The following ANK2 variants were observed in gnomAD, a reference collection of about 807,000 sequenced individuals.
ANK2 encodes ankyrin 2.
A neutral mutation model predicts 360.5 loss-of-function variants in ANK2; 83 were observed. The observed-to-expected ratio is 0.23, with a 90% CI of 0.19 to 0.28. The LOEUF (loss-of-function observed/expected upper bound fraction) is 0.28. Among genes scored for constraint, ANK2 ranks in the 10% least tolerant of loss-of-function variants. ANK2 has a pLI of 1.00. For missense variants in ANK2, 4,201 were observed against 4,795.7 expected (o/e 0.88, Z 3.66); for synonymous variants, 1,740 against 1,759.5 (o/e 0.99, Z 0.28).
At chr4:112,708,117 G>A in the ANK2 span, among the ~76,000 whole-genome samples, 2 of 152,342 alleles carry the variant, frequency 1.3e-5, no homozygotes, top group African/African-American at 4.8e-5. Context: ...TTGCCTGAAA[G>A]TGATTTTGAG....
At chr4:113,275,937 G>GTTTT (rs557950582) in intron 15 of ANK2, among the ~76,000 whole-genome samples, 45 of 118,836 alleles carry the variant, frequency 3.8e-4, no homozygotes, top group African/African-American at 8.8e-4. Flanking sequence ...GTTAAACAGT[G>GTTTT]TTTTTTTTTT....
chr4:113,328,037 C>T (rs1477999262), intron 26 of ANK2, among the ~76,000 whole-genome samples: 1 of 152,166 alleles, frequency 6.6e-6, no homozygotes, highest in Non-Finnish European at 1.5e-5. Flanking sequence ...AGATACTCTA[C>T]ATGTTCTTCC....
intron 14 of ANK2, among the ~76,000 whole-genome samples, chr4:113,265,740 C>T (rs1049345857): frequency 1.3e-5 from 2 of 152,084 alleles, no homozygotes; most frequent in Admixed American, 1.3e-4. Flanking sequence ...CTTCTATTTC[C>T]TTTTCCATGT....
intron 1 of ANK2, among the ~76,000 whole-genome samples, chr4:113,060,305 A>G (rs758522856): frequency 2.0e-5 from 3 of 152,170 alleles, no homozygotes; most frequent in Non-Finnish European, 4.4e-5. Context: ...AATAAATAGT[A>G]GTTAATATTC....
intron 1 of ANK2, among the ~76,000 whole-genome samples, chr4:113,162,554 C>A (rs891018674): frequency 3.3e-5 from 5 of 152,216 alleles, no homozygotes; most frequent in African/African-American, 1.2e-4. Context: ...TTCCACCTGA[C>A]TTATCAGCAG....
intron 2 of ANK2, among the ~76,000 whole-genome samples, chr4:113,002,038 T>A (rs1043829638): frequency 2.0e-5 from 3 of 151,966 alleles, no homozygotes; most frequent in Non-Finnish European, 4.4e-5. Flanking sequence ...ATTATTATTA[T>A]TTTACTTTAA....
rs780724237 is a variant in ANK2, at chr4:113,358,145, A to G, written c.9527A>G (p.Asp3176Gly). ...LALSESKETV[D>G]DEADLLPDDV... Reference sequence around the variant, plus strand: ...CTTTCAGAATCAAAAGAAACAGTGGATGATGAGGCAGACTTACTTCCAGAT... The same window carrying G: ...CTTTCAGAATCAAAAGAAACAGTGGGTGATGAGGCAGACTTACTTCCAGAT... Residue 3176 changes from aspartate (D) to glycine (G), a missense_variant, in exon 38 of 46, where the codon GAT becomes GGT. Around this residue, in one of 4 missense-constraint regions of ANK2, gnomAD observed 2,642 missense variants for 2,714.5 expected, o/e 0.97. Coordinates refer to ENST00000357077, the MANE Select transcript of ANK2 (RefSeq NM_001148.6). 1.9e-6 allele frequency: 3 copies of G among 1,614,132 alleles called. No individual in the cohort carries two copies. Among genetic ancestry groups the G allele is most frequent in the South Asian group, 1.1e-5 (1 of 91,086 alleles).
intron 2 of ANK2, among the ~76,000 whole-genome samples, chr4:112,985,646 A>T (rs1298518314): frequency 4.6e-5 from 7 of 152,166 alleles, no homozygotes; most frequent in Non-Finnish European, 1.0e-4. Flanking sequence ...TTCAGAGGAC[A>T]ATGTCCATAT....
At chr4:112,730,947 G>A in the ANK2 span, among the ~76,000 whole-genome samples, 1 of 151,528 alleles carries the variant, frequency 6.6e-6, no homozygotes, top group African/African-American at 2.4e-5. Flanking sequence ...AGACCATTCC[G>A]GCCAACATGG....
At chr4:112,859,296 C>A (rs2067246726) in intron 1 of ANK2, among the ~76,000 whole-genome samples, 1 of 152,176 alleles carries the variant, frequency 6.6e-6, no homozygotes, top group Non-Finnish European at 1.5e-5. Flanking sequence ...GAGAACTTAG[C>A]CTTTTCCTTA....
chr4:112,770,340 T>C, the ANK2 span, among the ~76,000 whole-genome samples: 1 of 152,228 alleles, frequency 6.6e-6, no homozygotes, highest in African/African-American at 2.4e-5. Context: ...CGTGAGCCAC[T>C]GTGCCTTCCC....
rs2039099623 is a variant in ANK2, at chr4:113,240,346, G to T, written c.694-139G>T. On this transcript the variant is annotated intron_variant, in intron 7 of 45. Transcript: ENST00000357077. Reference sequence around the variant, plus strand: ...GTTATGTACCACCTTATAACATTAAGATTTAAGATCTTACTAAAGCATTTA... The same window carrying T: ...GTTATGTACCACCTTATAACATTAATATTTAAGATCTTACTAAAGCATTTA... 5.8e-6 allele frequency: 4 copies of T among 695,096 alleles called. No individual in the cohort carries two copies. In the East Asian group the frequency reaches 1.1e-4, roughly 19 times the overall value. The allele number at this position is 695,096 out of a possible 1,614,324, so 43.1% of individuals were successfully genotyped here.
intron 18 of ANK2, among the ~76,000 whole-genome samples, chr4:113,284,353 T>C (rs891873065): frequency 1.3e-5 from 2 of 152,308 alleles, no homozygotes; most frequent in Middle Eastern, 3.4e-3. Flanking sequence ...TAATAACAAA[T>C]AAATCTTCAT....
chr4:113,338,843 C>T (rs1461195974), intron 31 of ANK2, among the ~76,000 whole-genome samples: 1 of 152,004 alleles, frequency 6.6e-6, no homozygotes, highest in African/African-American at 2.4e-5. Flanking sequence ...GTCACCGCGC[C>T]CGGCCGATTG....
intron 1 of ANK2, among the ~76,000 whole-genome samples, chr4:112,875,039 CTTTTTTTT>C (rs991553054): frequency 7.1e-6 from 1 of 140,794 alleles, no homozygotes; most frequent in Non-Finnish European, 1.6e-5. Flanking sequence ...TCCCTAATTA[CTTTTTTTT>C]TTTTTTTTGA....
chr4:112,752,785 C>T, the ANK2 span, among the ~76,000 whole-genome samples: 1 of 152,118 alleles, frequency 6.6e-6, no homozygotes. Context: ...CCTGTCTCAG[C>T]CTCCTGAGTA....
At chr4:113,168,028 C>T (rs532087500) in intron 1 of ANK2, among the ~76,000 whole-genome samples, 1 of 152,098 alleles carries the variant, frequency 6.6e-6, no homozygotes. Flanking sequence ...CTTGACACAA[C>T]CTTGCAAAAT....
the ANK2 span, among the ~76,000 whole-genome samples, chr4:112,736,215 CA>C: frequency 6.6e-6 from 1 of 152,072 alleles, no homozygotes; most frequent in South Asian, 2.1e-4. Flanking sequence ...GTAATCCCAG[CA>C]GTTTGGGAGG....
chr4:112,842,689 C>T (rs767672841), intron 1 of ANK2, among the ~76,000 whole-genome samples: 1 of 152,196 alleles, frequency 6.6e-6, no homozygotes, highest in Non-Finnish European at 1.5e-5. Context: ...GCCTAAAGCT[C>T]GCTGGCCCAC....
Sources: allele counts gnomAD v4.1 joint callset (sites outside exome capture counted in the v4.1 genomes callset), GRCh38; gene constraint gnomAD v4.1.1; regional missense constraint gnomAD v4.1.1; transcripts MANE v1.5; gene names NCBI Gene and HGNC (gene_info 2026-07-23, HGNC 2026-07-21).